HEPACAM2: variants seen among roughly 807,000 people sequenced by gnomAD.
HEPACAM2 encodes HEPACAM family member 2.
A neutral mutation model predicts 49.6 loss-of-function variants in HEPACAM2; 49 were observed. The observed-to-expected ratio is 0.99, with a 90% CI of 0.78 to 1.25. HEPACAM2 has a LOEUF of 1.25. HEPACAM2 is among the 50% of genes most tolerant of loss of function. HEPACAM2 has a pLI of 0.00. For synonymous variants in HEPACAM2, 197 were observed against 202.9 expected (o/e 0.97, Z 0.25); for missense variants, 525 against 557.2 (o/e 0.94, Z 0.58).
chr7:93,201,829 A>G (rs1793891350), intron 4 of HEPACAM2, among the ~76,000 whole-genome samples: 1 of 152,094 alleles, frequency 6.6e-6, no homozygotes, highest in African/African-American at 2.4e-5. Context: ...GCATCCCAAG[A>G]TCATTTTGTT....
Position 93,219,461 on chromosome 7 carries a change from A to G in HEPACAM2, c.80-10T>C. 23 of 1,613,634 alleles carry G rather than the reference A, an allele frequency of 1.4e-5. No individual in the cohort carries two copies. Among genetic ancestry groups the G allele is most frequent in the Non-Finnish European group, 1.9e-5 (23 of 1,179,880 alleles). ...AGCCCCGAGCAAGCACCTGTTGCAA[A>G]GGAAAGGAAAGTTGTGAAGACCTTG... is the stretch of plus-strand genomic sequence containing the variant. On this transcript the variant is annotated splice_polypyrimidine_tract_variant and intron_variant, in intron 1 of 9. Transcript: ENST00000394468.
At chr7:93,217,285 G>T (rs1438028638) in intron 2 of HEPACAM2, among the ~76,000 whole-genome samples, 1 of 152,180 alleles carries the variant, frequency 6.6e-6, no homozygotes, top group Non-Finnish European at 1.5e-5. Context: ...CCAATCATTA[G>T]AATAGTCACT....
chr7:93,215,625 C>T lies in HEPACAM2; in HGVS notation c.491G>A (p.Gly164Glu), dbSNP rs1310657801. The T allele has an allele frequency of 1.2e-5, 20 of 1,613,672 alleles. No individual in the cohort carries two copies. The highest frequency in any genetic ancestry group is 1.6e-5 in the Non-Finnish European group (19 of 1,179,796). The change falls in exon 3 of 10, where the codon GGG (glycine) becomes GAG (glutamate). Residue 164 changes from glycine to glutamate, a missense_variant. By Grantham distance (98) the Gly-to-Glu change is moderately conservative. Coordinates refer to ENST00000394468, the MANE Select transcript of HEPACAM2 (RefSeq NM_001039372.4). ...CACATGGCATGTCAGGGTCATGTTC[C>T]CCACATACTCCACAGCCCCAGAGGG... ...HPPSGAVEYV[G>E]NMTLTCHVEG...
chr7:93,209,948 GA>G (rs984377793), intron 3 of HEPACAM2, among the ~76,000 whole-genome samples: 4 of 150,424 alleles, frequency 2.7e-5, no homozygotes, highest in South Asian at 2.1e-4. Flanking sequence ...GATTCCATTT[GA>G]AAAAAAAAGT....
intron 4 of HEPACAM2, among the ~76,000 whole-genome samples, chr7:93,206,374 A>C (rs1794029416): frequency 6.6e-6 from 1 of 152,132 alleles, no homozygotes; most frequent in African/African-American, 2.4e-5. Context: ...AATTCTTATT[A>C]GGAGGAATTA....
At chr7:93,204,531 C>A (rs1211622840) in intron 4 of HEPACAM2, among the ~76,000 whole-genome samples, 2 of 152,024 alleles carry the variant, frequency 1.3e-5, no homozygotes, top group Non-Finnish European at 2.9e-5. Context: ...ATTTTAATAG[C>A]TATTCTTTTC....
intron 2 of HEPACAM2, among the ~76,000 whole-genome samples, chr7:93,218,716 A>C (rs1794372330): frequency 6.6e-6 from 1 of 152,168 alleles, no homozygotes; most frequent in South Asian, 2.1e-4. Flanking sequence ...TCTTCCAAAC[A>C]GTGTACTGAA....
At chr7:93,222,258 T>C (rs1477952451) in intron 1 of HEPACAM2, among the ~76,000 whole-genome samples, 1 of 152,130 alleles carries the variant, frequency 6.6e-6, no homozygotes, top group South Asian at 2.1e-4. Flanking sequence ...TTATATGTCT[T>C]TCATTGAAGT....
At position 93,197,598 on chromosome 7, in the gene HEPACAM2, A is replaced by C. The variant is rs1793766571; in HGVS notation, c.1025T>G (p.Leu342Arg). ...VIITSVGLEK[L>R]AQKGKSLSPL... is the part of the protein sequence containing the mutation. ...TGACAATGATTTTCCTTTCTGTGCA[A>C]GCTTCTCCAGTCCTAAATAAAAAGA... Residue 342 changes from leucine (L) to arginine (R), a missense_variant, in exon 5 of 10, where the codon CTT becomes CGT. Coordinates refer to ENST00000394468, the MANE Select transcript of HEPACAM2 (RefSeq NM_001039372.4). 1.3e-6 allele frequency: 2 copies of C among 1,586,134 alleles called. No homozygotes were observed. Among genetic ancestry groups the C allele is most frequent in the Admixed American group, 1.8e-5 (1 of 54,590 alleles).
At chr7:93,230,203 G>T (rs1309816394), upstream of HEPACAM2, among the ~76,000 whole-genome samples, 1 of 152,014 alleles carries the variant, frequency 6.6e-6, no homozygotes, top group African/African-American at 2.4e-5. Flanking sequence ...CTTTTTGGGG[G>T]GATCATCTTT....
At chr7:93,197,318 T>C (rs767939716) in intron 6 of HEPACAM2, 40 bp from the exon 7 acceptor site, 2 of 1,608,428 alleles carry the variant, frequency 1.2e-6, no homozygotes, top group African/African-American at 2.7e-5. Context: ...GGGATAATAA[T>C]TGAGGAATAA....
intron 4 of HEPACAM2, 120 bp from the exon 5 acceptor site, chr7:93,197,730 A>G: frequency 3.0e-6 from 2 of 663,044 alleles, no homozygotes; most frequent in Non-Finnish European, 5.0e-6. Flanking sequence ...CGTATATTAG[A>G]GACACACAGA....
chr7:93,216,927 CA>C (rs1174535059), intron 2 of HEPACAM2, among the ~76,000 whole-genome samples: 1 of 152,068 alleles, frequency 6.6e-6, no homozygotes, highest in Non-Finnish European at 1.5e-5. Context: ...CATTAGGGCA[CA>C]AACTGACCAA....
At chr7:93,228,058 A>T (rs1041342774), upstream of HEPACAM2, among the ~76,000 whole-genome samples, 1 of 152,202 alleles carries the variant, frequency 6.6e-6, no homozygotes, top group East Asian at 1.9e-4. Flanking sequence ...GGTTCCCCCA[A>T]CATCTTTTAG....
In HEPACAM2 at chr7:93,197,556, G is replaced by C; in HGVS notation, c.1067C>G (p.Thr356Ser). The C allele has an allele frequency of 6.3e-7, 1 of 1,597,256 alleles. No individual in the cohort carries two copies. The highest frequency in any genetic ancestry group is 8.6e-7 in the Non-Finnish European group (1 of 1,167,426). ...GKSLSPLASI[T>S]GISLFLIISM... ...TATAATCAAAAATAGTGATATTCCA[G>C]TTATACTTGCTAAAGGTGACAATGA... Residue 356 changes from threonine to serine, a missense_variant, in exon 5 of 10, where the codon ACT (threonine) becomes AGT (serine). Coordinates refer to ENST00000394468, the MANE Select transcript of HEPACAM2 (RefSeq NM_001039372.4).
chr7:93,221,184 T>C (rs1467394852), intron 1 of HEPACAM2, among the ~76,000 whole-genome samples: 2 of 152,072 alleles, frequency 1.3e-5, no homozygotes, highest in Non-Finnish European at 2.9e-5. Flanking sequence ...TGAGGCAGAA[T>C]AGAGATGGGT....
At chr7:93,222,957 GT>G (rs1158789080) in intron 1 of HEPACAM2, among the ~76,000 whole-genome samples, 1 of 152,146 alleles carries the variant, frequency 6.6e-6, no homozygotes, top group African/African-American at 2.4e-5. Context: ...GCAATTCTGT[GT>G]TTTTTACAAA....
intron 1 of HEPACAM2, 61 bp from the exon 2 acceptor site, chr7:93,219,512 C>A (rs768923425): frequency 4.4e-6 from 7 of 1,604,852 alleles, no homozygotes; most frequent in African/African-American, 1.3e-5. Flanking sequence ...TCTAAAGGGG[C>A]AAATGCAGAG....
chr7:93,229,236 T>TATGCCTGTGCTAGTGTTCACTTCTGCC (rs1794587995), upstream of HEPACAM2, among the ~76,000 whole-genome samples: 5 of 152,350 alleles, frequency 3.3e-5, no homozygotes, highest in South Asian at 1.0e-3. Flanking sequence ...CACATATGCC[T>TATGCCTGTGCTAGTGTTCACTTCTGCC]ATGCCTGTGC....
Sources: allele counts gnomAD v4.1 joint callset (sites outside exome capture counted in the v4.1 genomes callset), GRCh38; gene constraint gnomAD v4.1.1; transcripts MANE v1.5; gene names NCBI Gene and HGNC (gene_info 2026-07-23, HGNC 2026-07-21).